The following C1QTNF3 variants were observed in gnomAD, a reference collection of about 807,000 sequenced individuals.
The protein encoded by C1QTNF3 is complement C1q tumor necrosis factor-related protein 3.
In C1QTNF3, 26 loss-of-function variants were observed where a neutral mutation model predicts 32.6. That is an observed-to-expected ratio of 0.80 (90% CI 0.58 to 1.11). The LOEUF (loss-of-function observed/expected upper bound fraction) is 1.11. C1QTNF3 is among the 50% of genes least tolerant of loss of function. The pLI, the probability that C1QTNF3 is intolerant of heterozygous loss-of-function variation, is 0.00. For synonymous variants in C1QTNF3, 155 were observed against 146.0 expected (o/e 1.06, Z -0.44); for missense variants, 362 against 398.2 (o/e 0.91, Z 0.77).
the C1QTNF3 span, among the ~76,000 whole-genome samples, chr5:34,064,442 G>A: frequency 6.6e-6 from 1 of 152,172 alleles, no homozygotes; most frequent in Non-Finnish European, 1.5e-5. Context: ...CTTGGGCCAT[G>A]CAGTGAGTGT....
chr5:34,233,817 TGTG>T, the C1QTNF3 span, among the ~76,000 whole-genome samples: 1 of 152,136 alleles, frequency 6.6e-6, no homozygotes, highest in Non-Finnish European at 1.5e-5. Context: ...AAATTGATAA[TGTG>T]GTGATTCTGA....
the C1QTNF3 span, among the ~76,000 whole-genome samples, chr5:34,238,901 T>TG: frequency 6.6e-6 from 1 of 152,126 alleles, no homozygotes; most frequent in East Asian, 1.9e-4. Context: ...AGAAAGGTCA[T>TG]GTTTTCATAC....
At chr5:34,243,633 C>T in the C1QTNF3 span, among the ~76,000 whole-genome samples, 1 of 151,918 alleles carries the variant, frequency 6.6e-6, no homozygotes, top group African/African-American at 2.4e-5. Flanking sequence ...ACTATGCCTC[C>T]ATAAAAAAGA....
upstream of C1QTNF3, among the ~76,000 whole-genome samples, chr5:34,047,027 T>A (rs1754997831): frequency 6.6e-6 from 1 of 152,236 alleles, no homozygotes; most frequent in African/African-American, 2.4e-5. Flanking sequence ...GTTCCTTATG[T>A]CTAGTTTTCA....
chr5:34,202,827 A>G, the C1QTNF3 span, among the ~76,000 whole-genome samples: 1 of 152,120 alleles, frequency 6.6e-6, no homozygotes, highest in African/African-American at 2.4e-5. Flanking sequence ...GCAGCCTGAC[A>G]ACCTTTTTAG....
chr5:34,227,508 C>T, the C1QTNF3 span, among the ~76,000 whole-genome samples: 2 of 151,856 alleles, frequency 1.3e-5, no homozygotes, highest in East Asian at 1.9e-4. Flanking sequence ...TTTAATATTG[C>T]TTGTGTAGAT....
chr5:34,122,405 T>C, the C1QTNF3 span, among the ~76,000 whole-genome samples: 1 of 152,094 alleles, frequency 6.6e-6, no homozygotes, highest in Non-Finnish European at 1.5e-5. Context: ...CATTGGAAAA[T>C]GGAGAAAAGG....
chr5:34,066,111 T>C, the C1QTNF3 span, among the ~76,000 whole-genome samples: 6 of 152,370 alleles, frequency 3.9e-5, no homozygotes, highest in South Asian at 2.1e-4. Context: ...TCTATCATTT[T>C]GCTTTTTAAC....
chr5:34,070,875 C>T, the C1QTNF3 span, among the ~76,000 whole-genome samples: 5 of 152,128 alleles, frequency 3.3e-5, no homozygotes, highest in South Asian at 6.2e-4. Context: ...CCAGTAAAGT[C>T]GCCCTCAATC....
At chr5:34,148,267 C>G in the C1QTNF3 span, among the ~76,000 whole-genome samples, 2 of 140,542 alleles carry the variant, frequency 1.4e-5, no homozygotes, top group African/African-American at 5.3e-5. Context: ...AAGGCGGCAA[C>G]GAGGCTGGGG....
intron 3 of C1QTNF3, among the ~76,000 whole-genome samples, chr5:34,031,640 C>T (rs1754616469): frequency 6.6e-6 from 1 of 152,212 alleles, no homozygotes; most frequent in South Asian, 2.1e-4. Flanking sequence ...TGAGATCAGC[C>T]TGGCCAACAT....
the C1QTNF3 span, among the ~76,000 whole-genome samples, chr5:34,114,035 A>AT: frequency 2.0e-5 from 3 of 151,958 alleles, no homozygotes; most frequent in Non-Finnish European, 4.4e-5. Flanking sequence ...AATCTCACAC[A>AT]TTTTTTTTCT....
chr5:34,161,660 T>C, the C1QTNF3 span, among the ~76,000 whole-genome samples: 1 of 152,226 alleles, frequency 6.6e-6, no homozygotes, highest in East Asian at 1.9e-4. Context: ...ATTGGACTTT[T>C]GACAGGAATT....
At chr5:34,188,849 C>T in the C1QTNF3 span, among the ~76,000 whole-genome samples, 6 of 151,516 alleles carry the variant, frequency 4.0e-5, no homozygotes, top group Admixed American at 1.3e-4. Flanking sequence ...TGGGAGGGGC[C>T]GGGGAAGAAT....
At chr5:34,136,709 T>C in the C1QTNF3 span, among the ~76,000 whole-genome samples, 4 of 152,310 alleles carry the variant, frequency 2.6e-5, no homozygotes, top group Non-Finnish European at 5.9e-5. Flanking sequence ...CATATGTTTA[T>C]TGCAACACTA....
At chr5:34,228,423 CA>C in the C1QTNF3 span, among the ~76,000 whole-genome samples, 1 of 151,480 alleles carries the variant, frequency 6.6e-6, no homozygotes, top group South Asian at 2.1e-4. Flanking sequence ...AGAGACACGG[CA>C]GGGAAAGATC....
the C1QTNF3 span, among the ~76,000 whole-genome samples, chr5:34,202,493 T>C: frequency 1.3e-5 from 2 of 152,222 alleles, no homozygotes. Context: ...AATTCTGAAC[T>C]AATGGGTAAT....
the C1QTNF3 span, among the ~76,000 whole-genome samples, chr5:34,186,033 T>C: frequency 4.6e-5 from 7 of 152,364 alleles, no homozygotes; most frequent in African/African-American, 1.7e-4. Context: ...CCCCTCCCTA[T>C]ATCTAAAACC....
At chr5:34,181,160 G>A in the C1QTNF3 span, among the ~76,000 whole-genome samples, 8 of 152,304 alleles carry the variant, frequency 5.3e-5, no homozygotes, top group South Asian at 1.0e-3. Context: ...CTGCCCATCC[G>A]AAGGCTGTGG....
Sources: gnomAD v4.1 joint callset for allele counts (sites outside exome capture counted in the v4.1 genomes callset) on GRCh38, gnomAD v4.1.1 for gene constraint, MANE v1.5 for transcripts, NCBI Gene and HGNC (gene_info 2026-07-23, HGNC 2026-07-21) for gene names.